The following GPR158 variants were observed in gnomAD, a reference collection of about 807,000 sequenced individuals.
The protein encoded by GPR158 is metabotropic glycine receptor.
GPR158 carries 30 observed loss-of-function variants against 78.2 expected under a neutral mutation model. That is an observed-to-expected ratio of 0.38 (90% CI 0.29 to 0.52). The LOEUF (loss-of-function observed/expected upper bound fraction) is 0.52, where lower values mean the gene tolerates loss of function less well. Ranked by LOEUF, GPR158 falls within the 20% of genes least tolerant of loss-of-function variation. GPR158 has a pLI of 0.83. For missense variants in GPR158, 1,463 were observed against 1,523.5 expected (o/e 0.96, Z 0.66); for synonymous variants, 581 against 591.1 (o/e 0.98, Z 0.25).
chr10:25,264,074 A>G (rs1854007473), intron 2 of GPR158, among the ~76,000 whole-genome samples: 1 of 152,180 alleles, frequency 6.6e-6, no homozygotes, highest in African/African-American at 2.4e-5. Context: ...ATTTTTGAGT[A>G]TGGCTCTCAT....
At chr10:25,219,176 G>A (rs907675288) in intron 1 of GPR158, among the ~76,000 whole-genome samples, 8 of 152,210 alleles carry the variant, frequency 5.3e-5, no homozygotes, top group Admixed American at 1.3e-4. Context: ...GAAGCCCTAC[G>A]TTACTCCAAG....
chr10:25,599,070 G>C lies in GPR158; in HGVS notation c.3444G>C (p.Glu1148Asp), dbSNP rs199918094. The change falls in exon 11 of 11, where the codon GAG (glutamate) becomes GAC (aspartate). Residue 1148 changes from glutamate to aspartate, a missense_variant. Physicochemically the swap from Glu to Asp is conservative, Grantham distance 45 (BLOSUM62 2). Transcript: ENST00000376351. ...AGGAAAAAAAGACATCTTCTTCTGA[G>C]GAGAATGTGCGTGGCTCCTATAACT... ...GHQEKKTSSS[E>D]ENVRGSYNSS... 3.0e-5 allele frequency: 48 copies of C among 1,613,608 alleles called. No homozygotes were observed. Among genetic ancestry groups the C allele is most frequent in the Non-Finnish European group, 3.9e-5 (46 of 1,179,974 alleles).
At chr10:25,515,458 C>T (rs1341857891) in intron 5 of GPR158, among the ~76,000 whole-genome samples, 7 of 145,826 alleles carry the variant, frequency 4.8e-5, no homozygotes, top group Non-Finnish European at 7.5e-5. Context: ...CATGCTGGTG[C>T]GCTGCACCCA....
intron 5 of GPR158, among the ~76,000 whole-genome samples, chr10:25,543,795 A>T (rs1004547837): frequency 6.6e-6 from 1 of 152,152 alleles, no homozygotes; most frequent in Admixed American, 6.5e-5. Context: ...GCTACAAAAG[A>T]TAAAATTTTA....
chr10:25,246,351 T>A (rs111312334), intron 2 of GPR158, among the ~76,000 whole-genome samples: 16 of 152,328 alleles, frequency 1.1e-4, no homozygotes, highest in African/African-American at 3.1e-4. Flanking sequence ...TGTGTGTATC[T>A]GCAAATAATA....
intron 5 of GPR158, among the ~76,000 whole-genome samples, chr10:25,520,363 T>C (rs1427674044): frequency 6.8e-6 from 1 of 147,180 alleles, no homozygotes; most frequent in Non-Finnish European, 1.5e-5. Context: ...TGAAGCCTTC[T>C]TCTCTCAGCT....
chr10:25,590,814 T>A (rs995008550), intron 8 of GPR158, among the ~76,000 whole-genome samples: 5 of 152,266 alleles, frequency 3.3e-5, no homozygotes, highest in African/African-American at 1.2e-4. Flanking sequence ...ACTGCTAGAT[T>A]TTTTTAGAAA....
intron 5 of GPR158, among the ~76,000 whole-genome samples, chr10:25,496,250 C>A (rs945798716): frequency 6.6e-6 from 1 of 152,086 alleles, no homozygotes; most frequent in Non-Finnish European, 1.5e-5. Context: ...ACATGAGAGG[C>A]CTTGGCTGTG....
Position 25,412,323 on chromosome 10 carries a change from C to A in GPR158, c.1185C>A (p.Cys395Ter), listed in dbSNP as rs1194991997. 6.2e-7 allele frequency: 1 copy of A among 1,613,550 alleles called. No homozygotes were observed. The highest frequency in any genetic ancestry group is 8.5e-7 in the Non-Finnish European group (1 of 1,179,538). ...VSEEAYVCLP[C>*]REGCPFCADD... The stretch of plus-strand genomic sequence containing the variant: ...AAGAAGCCTATGTCTGCCTACCTTG[C>A]AGGGAGGGCTGCCCCTTCTGTGCTG... Residue 395 changes from cysteine to a stop codon, truncating the protein, a stop_gained, in exon 4 of 11, where the codon TGC (cysteine) becomes TGA (stop). Transcript: ENST00000376351. LOFTEE classifies it high-confidence loss of function.
chr10:25,466,417 A>C, intron 4 of GPR158: 1 of 400,072 alleles, frequency 2.5e-6, no homozygotes, highest in Non-Finnish European at 4.5e-6. Context: ...AATTTTAGAG[A>C]ACAAAATCTC....
intron 5 of GPR158, among the ~76,000 whole-genome samples, chr10:25,520,801 G>C (rs564597921): frequency 4.6e-5 from 7 of 152,336 alleles, no homozygotes; most frequent in African/African-American, 1.7e-4. Flanking sequence ...GACAGCAGAG[G>C]TTACTGCTGT....
chr10:25,344,095 C>T (rs1214100287), intron 2 of GPR158, among the ~76,000 whole-genome samples: 5 of 151,902 alleles, frequency 3.3e-5, no homozygotes, highest in African/African-American at 9.7e-5. Context: ...TTCCTCAGGA[C>T]TCACTGCTTT....
intron 4 of GPR158, among the ~76,000 whole-genome samples, chr10:25,428,166 T>G (rs1034824899): frequency 1.3e-5 from 2 of 152,092 alleles, no homozygotes; most frequent in Admixed American, 6.6e-5. Flanking sequence ...AGAAACTTCA[T>G]TTTTGTAAAA....
chr10:25,344,542 A>G (rs1378843512), intron 2 of GPR158, among the ~76,000 whole-genome samples: 1 of 152,016 alleles, frequency 6.6e-6, no homozygotes, highest in Non-Finnish European at 1.5e-5. Context: ...CTAAGGCCCT[A>G]TCTGCATTAT....
At chr10:25,499,801 C>T (rs1418414651) in intron 5 of GPR158, among the ~76,000 whole-genome samples, 2 of 152,042 alleles carry the variant, frequency 1.3e-5, no homozygotes, top group African/African-American at 4.8e-5. Flanking sequence ...TGGAAAGCCT[C>T]GAGGCAGGAT....
chr10:25,508,830 A>G (rs1328459057), intron 5 of GPR158, among the ~76,000 whole-genome samples: 6 of 152,190 alleles, frequency 3.9e-5, no homozygotes, highest in African/African-American at 1.2e-4. Context: ...TCTCCCTGCT[A>G]TGGCTGCTTG....
At chr10:25,519,550 C>G (rs1250725156) in intron 5 of GPR158, among the ~76,000 whole-genome samples, 18 of 140,924 alleles carry the variant, frequency 1.3e-4, no homozygotes, top group Admixed American at 8.2e-4. Context: ...CCTTCAGGAG[C>G]TCTTTTAGGG....
chr10:25,241,863 C>T (rs992546916), intron 2 of GPR158, among the ~76,000 whole-genome samples: 2 of 152,222 alleles, frequency 1.3e-5, no homozygotes, highest in African/African-American at 4.8e-5. Context: ...AGGATAGTTG[C>T]TGGACACTTT....
intron 2 of GPR158, among the ~76,000 whole-genome samples, chr10:25,384,001 A>AT (rs1487597954): frequency 6.6e-6 from 1 of 152,228 alleles, no homozygotes; most frequent in Non-Finnish European, 1.5e-5. Context: ...CAGAGTTGCT[A>AT]TAGAATTGAG....
Sources: gnomAD v4.1 joint callset for allele counts (sites outside exome capture counted in the v4.1 genomes callset) on GRCh38, gnomAD v4.1.1 for gene constraint, MANE v1.5 for transcripts, NCBI Gene and HGNC (gene_info 2026-07-23, HGNC 2026-07-21) for gene names.